FYTTD1: variants seen among roughly 807,000 people sequenced by gnomAD.
FYTTD1 encodes forty-two-three domain containing 1.
FYTTD1 carries 22 observed loss-of-function variants against 40.9 expected under a neutral mutation model. The observed-to-expected ratio is 0.54, with a 90% CI of 0.38 to 0.77. The LOEUF (loss-of-function observed/expected upper bound fraction) is 0.77. Among genes scored for constraint, FYTTD1 ranks in the 30% least tolerant of loss-of-function variants. The pLI is 0.00. For missense variants in FYTTD1, 351 were observed against 392.2 expected, an observed-to-expected ratio of 0.90 and a Z score of 0.89; for synonymous variants, 140 against 137.9, an observed-to-expected ratio of 1.01 and a Z score of -0.10.
Position 197,775,030 on chromosome 3 carries a change from TTTA to T in FYTTD1, c.656+826_656+828del, listed in dbSNP as rs1178219357. ...TTAGTGCCACGTAGATTACTTCATT[TTTA>T]TTATTTTTATTTTTTATTGGCTATA... On this transcript the variant is annotated intron_variant, in intron 6 of 8. Transcript: ENST00000241502. Among the ~76,000 whole-genome samples, 30 of 152,358 alleles carry T rather than the reference TTTA, an allele frequency of 2.0e-4. 1 individual carries two copies. The highest frequency in any genetic ancestry group is 6.7e-4 in the African/African-American group (28 of 41,602).
chr3:197,771,484 T>G (rs1729713621), intron 4 of FYTTD1, among the ~76,000 whole-genome samples: 1 of 151,506 alleles, frequency 6.6e-6, no homozygotes, highest in Non-Finnish European at 1.5e-5. Flanking sequence ...CTACTGAAAA[T>G]GCAAAAATTA....
chr3:197,780,350 G>C (rs1729996700), intron 8 of FYTTD1, among the ~76,000 whole-genome samples: 1 of 152,170 alleles, frequency 6.6e-6, no homozygotes, highest in African/African-American at 2.4e-5. Context: ...GATTTTCTGT[G>C]TAAACAATCA....
chr3:197,757,611 C>CA (rs1235838804), intron 2 of FYTTD1, among the ~76,000 whole-genome samples: 3 of 152,204 alleles, frequency 2.0e-5, no homozygotes, highest in African/African-American at 7.2e-5. Flanking sequence ...CCTGTCTCCA[C>CA]AAAAAATTTA....
chr3:197,754,551 T>C (rs1729156446), intron 1 of FYTTD1, among the ~76,000 whole-genome samples: 1 of 152,192 alleles, frequency 6.6e-6, no homozygotes, highest in Admixed American at 6.5e-5. Context: ...TCATAGAGTT[T>C]TATTAAGAAT....
At chr3:197,763,613 CAAAA>C in intron 2 of FYTTD1, 2 of 355,750 alleles carry the variant, frequency 5.6e-6, no homozygotes, top group Non-Finnish European at 1.1e-5. Flanking sequence ...CCCGTCTCTA[CAAAA>C]AAAAAGAAAG....
chr3:197,769,564 C>T (rs1370088405), intron 3 of FYTTD1, among the ~76,000 whole-genome samples: 1 of 152,146 alleles, frequency 6.6e-6, no homozygotes, highest in African/African-American at 2.4e-5. Context: ...TTAATTTATG[C>T]ATGTGGAGGA....
intron 2 of FYTTD1, 42 bp from the exon 3 acceptor site, chr3:197,768,397 A>G: frequency 6.9e-7 from 1 of 1,458,658 alleles, no homozygotes; most frequent in Non-Finnish European, 9.3e-7. Context: ...TCCCAATTGA[A>G]TTGTTAAATT....
chr3:197,755,872 G>C (rs1206727675), intron 1 of FYTTD1: 1 of 1,546,982 alleles, frequency 6.5e-7, no homozygotes, highest in Non-Finnish European at 8.7e-7. Context: ...TTTTTGGGAA[G>C]TAAGTAGGAA....
At chr3:197,754,784 C>G (rs1729164401) in intron 1 of FYTTD1, among the ~76,000 whole-genome samples, 1 of 151,686 alleles carries the variant, frequency 6.6e-6, no homozygotes, top group Non-Finnish European at 1.5e-5. Flanking sequence ...CCCACCTCAG[C>G]CTCCTGGGTA....
intron 8 of FYTTD1, among the ~76,000 whole-genome samples, chr3:197,779,979 G>A (rs1425464815): frequency 1.5e-5 from 2 of 131,366 alleles, no homozygotes; most frequent in Admixed American, 1.6e-4. Flanking sequence ...GGGGATGCAG[G>A]CACACACACT....
Position 197,774,160 on chromosome 3 carries a change from G to T in FYTTD1, c.606G>T (p.Gln202His), listed in dbSNP as rs1200883380. The change falls in exon 6 of 9, where the codon CAG becomes CAT. Residue 202 changes from glutamine (Q) to histidine (H), a missense_variant. Transcript: ENST00000241502. ...LFRRGLKVQA[Q>H]LNTEQLLDDV... ...TTTTTTCCCTTCAGGTGCAGGCCCA[G>T]TTGAATACAGAACAACTGCTAGACG... 6.2e-7 allele frequency: 1 copy of T among 1,614,016 alleles called. No homozygotes were observed. Among genetic ancestry groups the T allele is most frequent in the Non-Finnish European group, 8.5e-7 (1 of 1,179,870 alleles).
At chr3:197,774,121 G>C in intron 5 of FYTTD1, 28 bp from the exon 6 acceptor site, 1 of 1,597,524 alleles carries the variant, frequency 6.3e-7, no homozygotes, top group South Asian at 1.1e-5. Flanking sequence ...GCTTTCTGTG[G>C]TACCTACTGC....
At chr3:197,750,589 C>T (rs1483146033) in intron 1 of FYTTD1, 26 of 985,134 alleles carry the variant, frequency 2.6e-5, no homozygotes, top group Non-Finnish European at 3.1e-5. Context: ...CCGGGCGTTC[C>T]AGGCCGGCGC....
rs944054557 is a variant in FYTTD1, at chr3:197,758,831, T to C, written c.235+2274T>C. ...CACGTTGTAATGTCAATGAGGATGTTAGCTTGAGGTAAGAGAAATAAGTAG... is the reference window on the plus strand; with the variant it reads ...CACGTTGTAATGTCAATGAGGATGTCAGCTTGAGGTAAGAGAAATAAGTAG... On this transcript the variant is annotated intron_variant, in intron 2 of 8. Coordinates refer to ENST00000241502, the MANE Select transcript of FYTTD1 (RefSeq NM_032288.7). Among the ~76,000 whole-genome samples, 4 of 152,226 alleles carry C rather than the reference T, an allele frequency of 2.6e-5. No homozygotes were observed. In the East Asian group the frequency reaches 7.7e-4, roughly 29 times the overall value.
chr3:197,785,678 G>C lies in FYTTD1; in HGVS notation c.*3769G>C, dbSNP rs1316853661. 1 of 151,828 alleles carries C rather than the reference G, an allele frequency of 6.6e-6. No homozygotes were observed. Among genetic ancestry groups the C allele is most frequent in the Non-Finnish European group, 1.5e-5 (1 of 67,996 alleles). The allele number at this position is 151,828 out of a possible 1,614,324, so 9.4% of individuals were successfully genotyped here. A position where few individuals can be genotyped will look rare whatever the true frequency, so the allele number is the denominator to read the frequency against. On this transcript the variant is annotated 3_prime_UTR_variant, in exon 9 of 9. Transcript: ENST00000241502. Reference sequence around the variant, plus strand: ...GCTTTGTAATTCACACAAAGTATACGGGCCCAGAATAATTTTTGTTGATTT... The same window carrying C: ...GCTTTGTAATTCACACAAAGTATACCGGCCCAGAATAATTTTTGTTGATTT...
chr3:197,776,178 C>T (rs574600622), intron 6 of FYTTD1, among the ~76,000 whole-genome samples: 9 of 150,926 alleles, frequency 6.0e-5, no homozygotes, highest in South Asian at 2.1e-4. Flanking sequence ...GATAGTTTGA[C>T]GAACTAAATC....
chr3:197,766,329 G>A (rs906490696), intron 2 of FYTTD1, among the ~76,000 whole-genome samples: 1 of 151,850 alleles, frequency 6.6e-6, no homozygotes, highest in Non-Finnish European at 1.5e-5. Flanking sequence ...TATAAAGTTG[G>A]TTTGGATCAA....
At chr3:197,749,747 G>T, upstream of FYTTD1, 4 of 596,336 alleles carry the variant, frequency 6.7e-6, no homozygotes, top group East Asian at 3.5e-5. Flanking sequence ...GCAATGCCTC[G>T]TCCGATCCTG....
chr3:197,759,180 T>TTGTTCCTCAGTGGTAGAATGTATAGAG (rs1312952008), intron 2 of FYTTD1, among the ~76,000 whole-genome samples: 1 of 151,756 alleles, frequency 6.6e-6, no homozygotes, highest in Non-Finnish European at 1.5e-5. Flanking sequence ...ATGTATAGAG[T>TTGTTCCTCAGTGGTAGAATGTATAGAG]TGTTCCTCAG....
Sources: allele counts gnomAD v4.1 joint callset (sites outside exome capture counted in the v4.1 genomes callset), GRCh38; gene constraint gnomAD v4.1.1; transcripts MANE v1.5; gene names NCBI Gene and HGNC (gene_info 2026-07-23, HGNC 2026-07-21).